Variants in CCDC73 observed in about 807,000 individuals in gnomAD.
CCDC73 encodes the protein coiled-coil domain containing 73, also known as coiled-coil domain-containing protein 73.
In CCDC73, 95 loss-of-function variants were observed where a neutral mutation model predicts 116.5. That is an observed-to-expected ratio of 0.82 (90% CI 0.69 to 0.97). The LOEUF (loss-of-function observed/expected upper bound fraction) is 0.97. CCDC73 is among the 50% of genes least tolerant of loss of function. The pLI is 0.00. For missense variants in CCDC73, 1,066 were observed against 1,206.8 expected (o/e 0.88, Z 1.73); for synonymous variants, 398 against 401.3 (o/e 0.99, Z 0.10).
rs1383735767 is a variant in CCDC73 at position 32,614,477 on chromosome 11, G to A, written c.1841C>T (p.Ala614Val). Residue 614 changes from alanine to valine, a missense_variant, in exon 16 of 18, where the codon GCT becomes GTT. Physicochemically the swap from Ala to Val is moderately conservative, Grantham distance 64. Transcript: ENST00000335185. ...ACTATTTGTAATTTCCTTCTCTAGA[G>A]CATGTTCTCGAGTCCCTGGAAGCAA... ...FRLLPGTREHALEKEITNSDQ... is the reference protein window; with the variant it reads ...FRLLPGTREHVLEKEITNSDQ... 6.2e-7 allele frequency: 1 copy of A among 1,613,160 alleles called. No individual in the cohort carries two copies. Among genetic ancestry groups the A allele is most frequent in the Non-Finnish European group, 8.5e-7 (1 of 1,179,422 alleles).
chr11:32,692,623 A>T (rs1856271537), intron 6 of CCDC73, among the ~76,000 whole-genome samples: 1 of 152,136 alleles, frequency 6.6e-6, no homozygotes, highest in African/African-American at 2.4e-5. Flanking sequence ...TACGACATCT[A>T]CCTATCCTCT....
chr11:32,683,668 T>C, intron 6 of CCDC73, 94 bp from the exon 7 acceptor site: 2 of 724,368 alleles, frequency 2.8e-6, no homozygotes, highest in Non-Finnish European at 2.4e-6. Context: ...AAATGTGGCA[T>C]GTATCTTCTA....
chr11:32,685,958 G>C (rs1012565180), intron 6 of CCDC73, among the ~76,000 whole-genome samples: 1 of 151,670 alleles, frequency 6.6e-6, no homozygotes, highest in Non-Finnish European at 1.5e-5. Flanking sequence ...TTGACCTCGT[G>C]ATCTGCCTGC....
intron 6 of CCDC73, among the ~76,000 whole-genome samples, chr11:32,697,185 A>G (rs1856318888): frequency 1.3e-5 from 1 of 79,808 alleles, no homozygotes; most frequent in Non-Finnish European, 2.5e-5. Context: ...TTATACATAC[A>G]CATACTTTTT....
At chr11:32,664,186 T>C (rs1204883287) in intron 9 of CCDC73, among the ~76,000 whole-genome samples, 1 of 152,200 alleles carries the variant, frequency 6.6e-6, no homozygotes, top group Non-Finnish European at 1.5e-5. Context: ...AGGATGATGC[T>C]GGCCTCATAA....
Position 32,701,048 on chromosome 11 carries a change from G to A in CCDC73, c.280-222C>T, listed in dbSNP as rs185342077. 4.3e-3 allele frequency among the ~76,000 whole-genome samples: 648 copies of A among 152,188 alleles called. 4 individuals are homozygous for A. Among genetic ancestry groups the A allele is most frequent in the African/African-American group, 0.015 (622 of 41,508 alleles). On this transcript the variant is annotated intron_variant, in intron 4 of 17. Coordinates refer to ENST00000335185, the MANE Select transcript of CCDC73 (RefSeq NM_001008391.4). ...CTATTTATTTATTTATTTGAGATGA[G>A]GTCTTGCTATGTTGCCCAGGCTATA...
chr11:32,758,450 T>A (rs1311392007), intron 2 of CCDC73: 1 of 472,362 alleles, frequency 2.1e-6, no homozygotes, highest in African/African-American at 2.0e-5. Context: ...CTGTGAGACC[T>A]AAAGTTCTTA....
At chr11:32,760,315 G>T in intron 1 of CCDC73, 57 bp from the exon 2 acceptor site, 2 of 1,001,574 alleles carry the variant, frequency 2.0e-6, no homozygotes, top group East Asian at 2.5e-5. Flanking sequence ...TCAAGTAAAA[G>T]CATAGTTACC....
intron 9 of CCDC73, among the ~76,000 whole-genome samples, chr11:32,662,015 C>T (rs561742648): frequency 1.6e-3 from 247 of 152,244 alleles, no homozygotes; most frequent in African/African-American, 5.7e-3. Context: ...GACATGAACT[C>T]ATCCTTTTTT....
intron 6 of CCDC73, among the ~76,000 whole-genome samples, chr11:32,695,466 C>T (rs886242289): frequency 1.3e-5 from 2 of 151,944 alleles, no homozygotes; most frequent in African/African-American, 4.8e-5. Flanking sequence ...TCAATCCTAC[C>T]TTGGCTCCAA....
At chr11:32,603,677 ATGTT>A (rs1036624863) in intron 17 of CCDC73, 15 of 152,114 alleles carry the variant, frequency 9.9e-5, no homozygotes, top group Admixed American at 5.9e-4. Flanking sequence ...CTACTACTGA[ATGTT>A]TGTTTCCAGT....
chr11:32,700,967 AAAAT>A (rs1164474403), intron 4 of CCDC73, 141 bp from the exon 5 acceptor site: 3 of 382,754 alleles, frequency 7.8e-6, no homozygotes, highest in Non-Finnish European at 9.6e-6. Flanking sequence ...TCAGATTCAG[AAAAT>A]AAATAATAAT....
At chr11:32,729,537 T>C (rs1035585083) in intron 2 of CCDC73, among the ~76,000 whole-genome samples, 1 of 152,218 alleles carries the variant, frequency 6.6e-6, no homozygotes, top group Non-Finnish European at 1.5e-5. Flanking sequence ...TTTGGGTATA[T>C]ACCCAACAAT....
At position 32,656,861 on chromosome 11, in the gene CCDC73, TGTAGAAGTAA is replaced by T. The variant is rs199514508; in HGVS notation, c.646-1899_646-1890del. ...GGATAAACAACAAACTTTTGACTCT[TGTAGAAGTAA>T]GTTGATTTATTAGAGTGGCAAGATT... On this transcript the variant is annotated intron_variant, in intron 9 of 17. Coordinates refer to ENST00000335185, the MANE Select transcript of CCDC73 (RefSeq NM_001008391.4). 5.5e-3 allele frequency among the ~76,000 whole-genome samples: 835 copies of T among 152,080 alleles called. 19 individuals carry two copies. The East Asian group carries it at 0.058, about 11-fold the overall frequency.
chr11:32,619,482 G>A (rs553431846), intron 14 of CCDC73, among the ~76,000 whole-genome samples: 1 of 152,236 alleles, frequency 6.6e-6, no homozygotes, highest in South Asian at 2.1e-4. Context: ...ACCAGCTTAG[G>A]CCACATAACA....
intron 9 of CCDC73, among the ~76,000 whole-genome samples, chr11:32,670,612 G>C (rs995468176): frequency 1.3e-5 from 2 of 152,064 alleles, no homozygotes; most frequent in Non-Finnish European, 2.9e-5. Flanking sequence ...ATTGATAACA[G>C]GTATATGGGT....
chr11:32,761,950 T>C (rs1435170981), intron 1 of CCDC73, among the ~76,000 whole-genome samples: 1 of 152,166 alleles, frequency 6.6e-6, no homozygotes, highest in Non-Finnish European at 1.5e-5. Flanking sequence ...CCCTAACCTT[T>C]TTCTCTTAAG....
At chr11:32,722,065 T>A (rs1339524569) in intron 2 of CCDC73, among the ~76,000 whole-genome samples, 2 of 152,180 alleles carry the variant, frequency 1.3e-5, no homozygotes, top group East Asian at 3.8e-4. Flanking sequence ...GGAGTTAGCA[T>A]CTCACATGAA....
chr11:32,781,301 C>T lies in CCDC73; in HGVS notation c.-16+13312G>A, dbSNP rs536123494. Among the ~76,000 whole-genome samples, 5 of 152,284 alleles carry T rather than the reference C, an allele frequency of 3.3e-5. No homozygotes were observed. The East Asian group carries it at 9.6e-4, about 29-fold the overall frequency. ...CTAAAATGACAGTGGTGATTTAAGGCATAAGCCTTAGAACAAACAGAATGG... is the reference window on the plus strand; with the variant it reads ...CTAAAATGACAGTGGTGATTTAAGGTATAAGCCTTAGAACAAACAGAATGG... On this transcript the variant is annotated intron_variant, in intron 1 of 17. Coordinates refer to ENST00000335185, the MANE Select transcript of CCDC73 (RefSeq NM_001008391.4).
Sources: allele counts gnomAD v4.1 joint callset (sites outside exome capture counted in the v4.1 genomes callset), GRCh38; gene constraint gnomAD v4.1.1; transcripts MANE v1.5; gene names NCBI Gene and HGNC (gene_info 2026-07-23, HGNC 2026-07-21).